DENND1A: variants seen among roughly 807,000 people sequenced by gnomAD.
The protein encoded by DENND1A is DENN domain-containing protein 1A.
In DENND1A, 51 loss-of-function variants were observed where a neutral mutation model predicts 113.7. The observed-to-expected ratio is 0.45, with a 90% CI of 0.36 to 0.57. The LOEUF (loss-of-function observed/expected upper bound fraction) is 0.57. DENND1A is among the 20% of genes least tolerant of loss of function. The pLI is 0.00. For synonymous variants in DENND1A, 565 were observed against 570.8 expected (o/e 0.99, Z 0.14); for missense variants, 1,258 against 1,395.9 (o/e 0.90, Z 1.57).
chr9:123,636,287 A>G (rs1230394657), intron 9 of DENND1A, among the ~76,000 whole-genome samples: 4 of 151,340 alleles, frequency 2.6e-5, no homozygotes, highest in East Asian at 3.9e-4. Flanking sequence ...TATGGATTTG[A>G]GCTGTTCAAG....
At chr9:123,897,576 G>A (rs936193149) in intron 1 of DENND1A, among the ~76,000 whole-genome samples, 10 of 152,262 alleles carry the variant, frequency 6.6e-5, no homozygotes, top group East Asian at 3.9e-4. Flanking sequence ...AAAGGGAGCC[G>A]CAGGGCACTG....
intron 5 of DENND1A, among the ~76,000 whole-genome samples, chr9:123,713,671 T>C (rs1445456277): frequency 6.6e-6 from 1 of 150,786 alleles, no homozygotes; most frequent in Non-Finnish European, 1.5e-5. Context: ...TAACAATGAA[T>C]ACATTTTAAA....
At chr9:123,765,896 C>G (rs1828720771) in intron 4 of DENND1A, among the ~76,000 whole-genome samples, 1 of 152,166 alleles carries the variant, frequency 6.6e-6, no homozygotes, top group African/African-American at 2.4e-5. Context: ...GTACCAGTGC[C>G]TTTCCTGGCC....
At chr9:123,414,426 C>T in intron 19 of DENND1A, 2 of 1,457,860 alleles carry the variant, frequency 1.4e-6, no homozygotes, top group South Asian at 1.5e-5. Context: ...TGGCACTTGG[C>T]AGATGAAATC....
At chr9:123,402,417 C>T (rs914768009) in intron 21 of DENND1A, 10 of 475,012 alleles carry the variant, frequency 2.1e-5, no homozygotes, top group East Asian at 5.9e-5. Flanking sequence ...CTTGACAGCT[C>T]GAAATCATTT....
At chr9:123,451,402 A>G (rs566167973) in intron 17 of DENND1A, among the ~76,000 whole-genome samples, 40 of 152,372 alleles carry the variant, frequency 2.6e-4, no homozygotes, top group African/African-American at 7.5e-4. Context: ...AGAAGTCACA[A>G]GAAAAAATAC....
chr9:123,707,289 G>A (rs971079425), intron 5 of DENND1A, among the ~76,000 whole-genome samples: 1 of 152,048 alleles, frequency 6.6e-6, no homozygotes, highest in African/African-American at 2.4e-5. Context: ...AGCTACTCGC[G>A]AGGCTGAGGC....
At chr9:123,714,685 C>T (rs1352351379) in intron 5 of DENND1A, among the ~76,000 whole-genome samples, 1 of 152,120 alleles carries the variant, frequency 6.6e-6, no homozygotes, top group Non-Finnish European at 1.5e-5. Flanking sequence ...ATGAGAAAAA[C>T]AGCACAGTTT....
intron 20 of DENND1A, among the ~76,000 whole-genome samples, chr9:123,408,181 T>A (rs930815226): frequency 2.6e-5 from 4 of 152,202 alleles, no homozygotes; most frequent in African/African-American, 9.6e-5. Flanking sequence ...AAAGCCACAC[T>A]GGAGGCTGAT....
At chr9:123,790,539 A>G (rs1018876135) in intron 3 of DENND1A, among the ~76,000 whole-genome samples, 7 of 152,202 alleles carry the variant, frequency 4.6e-5, no homozygotes, top group African/African-American at 1.7e-4. Flanking sequence ...TTCAACAAAG[A>G]AAACAAATAC....
In DENND1A at chr9:123,699,893, T is replaced by C. The variant is rs2065782471; in HGVS notation, c.303-23104A>G. Among the ~76,000 whole-genome samples, 3 of 152,216 alleles carry C rather than the reference T, an allele frequency of 2.0e-5. No individual in the cohort carries two copies. In the South Asian group the frequency reaches 6.2e-4, roughly 32 times the overall value. ...TTGTATTTTCAGAAGAGACGGAGTT[T>C]CGCCATGTTGGCCAGGCTGGTCTCA... On this transcript the variant is annotated intron_variant, in intron 5 of 23. Coordinates refer to ENST00000394215, the MANE Select transcript of DENND1A (RefSeq NM_001352964.2).
At chr9:123,912,711 T>A (rs1398952576) in intron 1 of DENND1A, among the ~76,000 whole-genome samples, 2 of 152,124 alleles carry the variant, frequency 1.3e-5, no homozygotes. Context: ...CAGTGTGGTT[T>A]CAGTGGAGAC....
chr9:123,612,514 A>G (rs1208984840), intron 10 of DENND1A, among the ~76,000 whole-genome samples: 1 of 152,172 alleles, frequency 6.6e-6, no homozygotes, highest in Non-Finnish European at 1.5e-5. Flanking sequence ...ATATCTTTGA[A>G]ATTATAAAGT....
intron 19 of DENND1A, among the ~76,000 whole-genome samples, chr9:123,429,518 G>GC (rs1328490011): frequency 6.6e-6 from 1 of 152,020 alleles, no homozygotes; most frequent in Non-Finnish European, 1.5e-5. Flanking sequence ...TTGCATCACT[G>GC]CCCCCCAGCC....
intron 13 of DENND1A, among the ~76,000 whole-genome samples, chr9:123,550,938 C>T (rs1372025971): frequency 6.6e-6 from 1 of 152,172 alleles, no homozygotes; most frequent in Non-Finnish European, 1.5e-5. Flanking sequence ...CTAGTTAATC[C>T]CTAACACACA....
chr9:123,731,597 A>G lies in DENND1A; in HGVS notation c.302+26106T>C, dbSNP rs2068176711. Among the ~76,000 whole-genome samples the G allele has an allele frequency of 2.0e-5, 3 of 152,252 alleles. No individual in the cohort carries two copies. In the South Asian group the frequency reaches 6.2e-4, roughly 31 times the overall value. Reference sequence around the variant, plus strand: ...TAAATGGATCACAGACCTACAGGTAAAACATAAAACTATAAAACTTTGAGA... The same window carrying G: ...TAAATGGATCACAGACCTACAGGTAGAACATAAAACTATAAAACTTTGAGA... On this transcript the variant is annotated intron_variant, in intron 5 of 23. Transcript: ENST00000394215.
chr9:123,510,064 T>C (rs1175362243), intron 13 of DENND1A, among the ~76,000 whole-genome samples: 1 of 152,250 alleles, frequency 6.6e-6, no homozygotes, highest in Non-Finnish European at 1.5e-5. Flanking sequence ...AGTAATGTCC[T>C]ATGACTGCAC....
intron 19 of DENND1A, among the ~76,000 whole-genome samples, chr9:123,427,415 T>C (rs1189227001): frequency 6.6e-6 from 1 of 152,176 alleles, no homozygotes. Flanking sequence ...CACACTTGAG[T>C]CTCCAGAAGC....
intron 3 of DENND1A, among the ~76,000 whole-genome samples, chr9:123,780,256 C>A (rs966366083): frequency 6.6e-6 from 1 of 152,164 alleles, no homozygotes; most frequent in Non-Finnish European, 1.5e-5. Context: ...CAAGTTGACA[C>A]CCCAGAATCC....
Sources: gnomAD v4.1 joint callset for allele counts (sites outside exome capture counted in the v4.1 genomes callset) on GRCh38, gnomAD v4.1.1 for gene constraint, MANE v1.5 for transcripts, NCBI Gene and HGNC (gene_info 2026-07-23, HGNC 2026-07-21) for gene names.